Variants in CNTN5 observed in about 807,000 individuals in gnomAD.
The protein encoded by CNTN5 is contactin-5.
CNTN5 carries 77 observed loss-of-function variants against 129.1 expected under a neutral mutation model. That is an observed-to-expected ratio of 0.60 (90% CI 0.50 to 0.72). CNTN5 has a LOEUF of 0.72. Among genes scored for constraint, CNTN5 ranks in the 30% least tolerant of loss-of-function variants. The pLI is 0.00. For synonymous variants in CNTN5, 509 were observed against 465.6 expected (o/e 1.09, Z -1.20); for missense variants, 1,478 against 1,328.8 (o/e 1.11, Z -1.75).
intron 1 of CNTN5, among the ~76,000 whole-genome samples, chr11:99,116,634 A>AT (rs1565329901): frequency 6.6e-6 from 1 of 152,178 alleles, no homozygotes; most frequent in Non-Finnish European, 1.5e-5. Flanking sequence ...ATAAAAAGAT[A>AT]TTGAATGAGT....
intron 2 of CNTN5, among the ~76,000 whole-genome samples, chr11:99,474,097 G>A (rs987897797): frequency 1.3e-5 from 2 of 151,982 alleles, no homozygotes; most frequent in African/African-American, 4.8e-5. Context: ...TGCTTACATT[G>A]TGAACTGAAA....
intron 1 of CNTN5, among the ~76,000 whole-genome samples, chr11:99,027,931 A>C (rs1863174501): frequency 6.6e-6 from 1 of 151,740 alleles, no homozygotes; most frequent in Non-Finnish European, 1.5e-5. Flanking sequence ...TTAATATTTT[A>C]TCTGAAGTCT....
At chr11:99,795,203 G>C (rs1421803079) in intron 3 of CNTN5, among the ~76,000 whole-genome samples, 1 of 152,114 alleles carries the variant, frequency 6.6e-6, no homozygotes, top group Non-Finnish European at 1.5e-5. Context: ...CCCTCAGTTT[G>C]ATCAGTTCTG....
At chr11:100,117,471 G>C (rs1945877895) in intron 13 of CNTN5, among the ~76,000 whole-genome samples, 1 of 151,994 alleles carries the variant, frequency 6.6e-6, no homozygotes, top group South Asian at 2.1e-4. Context: ...TGGCCTGATA[G>C]TATCTGTTGC....
intron 2 of CNTN5, among the ~76,000 whole-genome samples, chr11:99,407,620 CAGCA>C (rs1187528288): frequency 2.6e-5 from 4 of 152,166 alleles, no homozygotes; most frequent in Admixed American, 6.5e-5. Context: ...TGGTCCAGTT[CAGCA>C]CTAGGACTCA....
At chr11:99,220,811 C>T (rs1171736742) in intron 1 of CNTN5, among the ~76,000 whole-genome samples, 10 of 151,648 alleles carry the variant, frequency 6.6e-5, no homozygotes, top group East Asian at 5.8e-4. Context: ...ATCAACCTGA[C>T]GCAATACAAA....
chr11:99,472,484 T>C (rs1309573987), intron 2 of CNTN5, among the ~76,000 whole-genome samples: 1 of 152,182 alleles, frequency 6.6e-6, no homozygotes, highest in Non-Finnish European at 1.5e-5. Context: ...TTTTGCACTA[T>C]GCTTAGTTCA....
intron 15 of CNTN5, among the ~76,000 whole-genome samples, chr11:100,218,069 T>C (rs1368610053): frequency 6.6e-6 from 1 of 152,200 alleles, no homozygotes; most frequent in Non-Finnish European, 1.5e-5. Flanking sequence ...CAAACCAGTA[T>C]AAAGTGAACA....
chr11:99,891,017 C>T (rs1949045056), intron 6 of CNTN5, among the ~76,000 whole-genome samples: 1 of 152,076 alleles, frequency 6.6e-6, no homozygotes, highest in African/African-American at 2.4e-5. Flanking sequence ...GTATGAGAAA[C>T]TGTCACAACC....
chr11:100,237,128 G>A (rs556279594), intron 16 of CNTN5, among the ~76,000 whole-genome samples: 2 of 149,048 alleles, frequency 1.3e-5, no homozygotes, highest in East Asian at 4.0e-4. Flanking sequence ...GGCAGAGCTT[G>A]CAGTGAGCCG....
intron 2 of CNTN5, among the ~76,000 whole-genome samples, chr11:99,500,799 G>A (rs1394547058): frequency 6.6e-6 from 1 of 151,766 alleles, no homozygotes; most frequent in African/African-American, 2.4e-5. Context: ...AGACTTTTTT[G>A]TGTAGATTAC....
At chr11:100,104,501 A>G (rs1945349851) in intron 13 of CNTN5, among the ~76,000 whole-genome samples, 2 of 152,218 alleles carry the variant, frequency 1.3e-5, no homozygotes. Context: ...ACTACTTAGT[A>G]GAAACCAAGT....
At chr11:99,451,144 A>G (rs915447110) in intron 2 of CNTN5, among the ~76,000 whole-genome samples, 3 of 152,130 alleles carry the variant, frequency 2.0e-5, no homozygotes, top group Non-Finnish European at 4.4e-5. Flanking sequence ...ACCTGAGATT[A>G]TAGCTTAAAG....
intron 7 of CNTN5, among the ~76,000 whole-genome samples, chr11:99,942,974 A>T (rs183949672): frequency 5.9e-5 from 9 of 152,132 alleles, no homozygotes; most frequent in Admixed American, 5.9e-4. Flanking sequence ...GTTGGTTCCA[A>T]GTCTTTGCTA....
chr11:99,846,595 A>G (rs975199866), intron 6 of CNTN5, among the ~76,000 whole-genome samples: 2 of 152,042 alleles, frequency 1.3e-5, no homozygotes, highest in African/African-American at 4.8e-5. Flanking sequence ...TAATAATTAA[A>G]GTGTAATTGT....
intron 3 of CNTN5, among the ~76,000 whole-genome samples, chr11:99,658,709 T>TA (rs370531678): frequency 2.0e-3 from 277 of 140,786 alleles, no homozygotes; most frequent in East Asian, 4.3e-3. Flanking sequence ...CTGTCTCTAC[T>TA]AAAAAAAAAA....
intron 13 of CNTN5, among the ~76,000 whole-genome samples, chr11:100,187,819 C>T (rs1158391844): frequency 6.6e-6 from 1 of 152,042 alleles, no homozygotes. Context: ...AATGTAAGAC[C>T]TCAAAGTATA....
chr11:99,062,206 C>T (rs1176805155), intron 1 of CNTN5, among the ~76,000 whole-genome samples: 2 of 151,964 alleles, frequency 1.3e-5, no homozygotes, highest in East Asian at 3.9e-4. Flanking sequence ...CTTCAGCAGA[C>T]CTAACTAAAT....
At chr11:100,352,905 A>G (rs501892) in intron 24 of CNTN5, among the ~76,000 whole-genome samples, 26,905 of 151,546 alleles carry the variant, frequency 0.18, 2,972 homozygotes, top group East Asian at 0.37. Context: ...TTCCTAGACA[A>G]CAATACAGTG....
Sources: gnomAD v4.1 joint callset for allele counts (sites outside exome capture counted in the v4.1 genomes callset) on GRCh38, gnomAD v4.1.1 for gene constraint, MANE v1.5 for transcripts, NCBI Gene and HGNC (gene_info 2026-07-23, HGNC 2026-07-21) for gene names.